Variants in GABRG3 observed in about 807,000 individuals in gnomAD.
GABRG3 encodes gamma-aminobutyric acid type A receptor subunit gamma3.
In GABRG3, 25 loss-of-function variants were observed where a neutral mutation model predicts 48.8. The ratio of observed to expected loss-of-function variants is 0.51; its 90% CI spans 0.37 to 0.72. GABRG3 has a LOEUF of 0.72. GABRG3 is among the 30% of genes least tolerant of loss of function. GABRG3 has a pLI of 0.00. For missense variants in GABRG3, 394 were observed against 577.9 expected (o/e 0.68, Z 3.26); for synonymous variants, 227 against 217.6 (o/e 1.04, Z -0.38).
intron 6 of GABRG3, among the ~76,000 whole-genome samples, chr15:27,502,441 A>G (rs1196131301): frequency 6.6e-6 from 1 of 152,230 alleles, no homozygotes; most frequent in South Asian, 2.1e-4. Context: ...ACTCAACAGC[A>G]ACAATCAATA....
Position 27,448,039 on chromosome 15 carries a change from C to G in GABRG3, c.575-32611C>G, listed in dbSNP as rs563585203. ...CAAATAAATATTTATAAAAACAAAG[C>G]TAGGTCTCTGGTAACAGAGAAAGAT... On this transcript the variant is annotated intron_variant, in intron 5 of 9. Coordinates refer to ENST00000615808, the MANE Select transcript of GABRG3 (RefSeq NM_033223.5). Among the ~76,000 whole-genome samples, 5 of 152,118 alleles carry G rather than the reference C, an allele frequency of 3.3e-5. No homozygotes were observed. The South Asian group carries it at 1.0e-3, about 32-fold the overall frequency.
chr15:27,304,317 C>A (rs1277377205), intron 3 of GABRG3, among the ~76,000 whole-genome samples: 1 of 151,850 alleles, frequency 6.6e-6, no homozygotes, highest in African/African-American at 2.4e-5. Flanking sequence ...CACAAGAAAT[C>A]TACAAAAAGT....
At chr15:27,207,030 G>T (rs1294043053) in intron 3 of GABRG3, among the ~76,000 whole-genome samples, 2 of 152,104 alleles carry the variant, frequency 1.3e-5, no homozygotes, top group Non-Finnish European at 2.9e-5. Context: ...TTTGAGTGGG[G>T]TGTTTAGTCC....
At chr15:27,418,189 G>A (rs74006934) in intron 5 of GABRG3, among the ~76,000 whole-genome samples, 7,731 of 152,280 alleles carry the variant, frequency 0.051, 646 homozygotes, top group African/African-American at 0.18. Context: ...AGGGGACCCT[G>A]TGAGCCCAGT....
chr15:26,990,790 T>G (rs1347797325), intron 2 of GABRG3, among the ~76,000 whole-genome samples: 1 of 149,274 alleles, frequency 6.7e-6, no homozygotes, highest in African/African-American at 2.5e-5. Context: ...ATTGAAACCT[T>G]TAATCCATTT....
At chr15:27,303,384 T>C (rs996132233) in intron 3 of GABRG3, among the ~76,000 whole-genome samples, 1 of 151,610 alleles carries the variant, frequency 6.6e-6, no homozygotes, top group Non-Finnish European at 1.5e-5. Flanking sequence ...ACACAAACTA[T>C]CAAAGCCTAC....
intron 5 of GABRG3, among the ~76,000 whole-genome samples, chr15:27,424,158 C>T (rs148164234): frequency 2.6e-5 from 4 of 152,148 alleles, no homozygotes; most frequent in African/African-American, 9.6e-5. Context: ...GTCCCTGGGC[C>T]ACTTCAGCTA....
chr15:27,527,711 C>T, intron 8 of GABRG3, 82 bp downstream of exon 8: 1 of 1,301,638 alleles, frequency 7.7e-7, no homozygotes, highest in Non-Finnish European at 1.1e-6. Context: ...CAGTTGTATT[C>T]CTAAGGATCG....
chr15:27,532,592 G>T lies in GABRG3; in HGVS notation c.1123-8G>T. The T allele has an allele frequency of 6.2e-7, 1 of 1,610,532 alleles. No individual in the cohort carries two copies. The highest frequency in any genetic ancestry group is 1.7e-5 in the Admixed American group (1 of 59,614). On this transcript the variant is annotated splice_polypyrimidine_tract_variant and splice_region_variant and intron_variant, in intron 9 of 9. Coordinates refer to ENST00000615808, the MANE Select transcript of GABRG3 (RefSeq NM_033223.5). ...CAATGGTTGTTGTGTCATTTTTGTT[G>T]CTTGCAGAACTATTCCCTCCTGGAC...
intron 3 of GABRG3, among the ~76,000 whole-genome samples, chr15:27,090,111 C>T (rs1209068554): frequency 6.6e-6 from 1 of 152,214 alleles, no homozygotes; most frequent in African/African-American, 2.4e-5. Flanking sequence ...AGTGAGAGCA[C>T]TACACGCTCA....
intron 3 of GABRG3, among the ~76,000 whole-genome samples, chr15:27,095,909 C>T (rs1184412419): frequency 6.6e-6 from 1 of 152,138 alleles, no homozygotes. Flanking sequence ...TGCAGGATGT[C>T]CCCCAGGACC....
At chr15:27,056,936 T>C (rs1896558777) in intron 3 of GABRG3, among the ~76,000 whole-genome samples, 1 of 152,156 alleles carries the variant, frequency 6.6e-6, no homozygotes, top group Non-Finnish European at 1.5e-5. Flanking sequence ...GCTTGGGTCC[T>C]CCTTAATGAA....
chr15:27,188,824 A>T (rs1374623673), intron 3 of GABRG3, among the ~76,000 whole-genome samples: 1 of 152,158 alleles, frequency 6.6e-6, no homozygotes, highest in East Asian at 1.9e-4. Flanking sequence ...CTGAATGGTA[A>T]AGCCTAGGTT....
intron 5 of GABRG3, among the ~76,000 whole-genome samples, chr15:27,344,130 T>C (rs779610527): frequency 3.3e-5 from 5 of 152,214 alleles, no homozygotes; most frequent in Non-Finnish European, 7.3e-5. Flanking sequence ...CCTCATCTTA[T>C]GAATAATGTG....
At chr15:27,489,821 C>T (rs148006261) in intron 6 of GABRG3, among the ~76,000 whole-genome samples, 2 of 152,090 alleles carry the variant, frequency 1.3e-5, no homozygotes, top group East Asian at 1.9e-4. Context: ...TTCTATAGGT[C>T]GCCTGTTCAT....
At chr15:27,181,613 G>A (rs772814098) in intron 3 of GABRG3, among the ~76,000 whole-genome samples, 3 of 152,164 alleles carry the variant, frequency 2.0e-5, no homozygotes, top group Non-Finnish European at 2.9e-5. Context: ...TCCTGCCCAC[G>A]TCTTTGTGGA....
At chr15:27,223,377 C>T (rs1453940841) in intron 3 of GABRG3, among the ~76,000 whole-genome samples, 2 of 152,150 alleles carry the variant, frequency 1.3e-5, no homozygotes, top group Non-Finnish European at 2.9e-5. Context: ...ATACGGCAAT[C>T]TGATGAGTTT....
rs113824399 is a variant in GABRG3 at position 27,458,357 on chromosome 15, A to G, written c.575-22293A>G. 8.4e-3 allele frequency among the ~76,000 whole-genome samples: 1,272 copies of G among 152,322 alleles called. 22 individuals are homozygous for G. The highest frequency in any genetic ancestry group is 0.029 in the African/African-American group (1,219 of 41,570). On this transcript the variant is annotated intron_variant, in intron 5 of 9. Transcript: ENST00000615808. ...GAAGGAAATGCAAGGCCATTTAATA[A>G]TAGTACTTTTTGACTGGTGACGTGC...
At chr15:27,208,590 G>A (rs574330025) in intron 3 of GABRG3, 71 of 174,242 alleles carry the variant, frequency 4.1e-4, no homozygotes, top group South Asian at 7.9e-4. Flanking sequence ...CTGTCTGAGA[G>A]CAGGTCACTG....
Sources: allele counts gnomAD v4.1 joint callset (sites outside exome capture counted in the v4.1 genomes callset), GRCh38; gene constraint gnomAD v4.1.1; transcripts MANE v1.5; gene names NCBI Gene and HGNC (gene_info 2026-07-23, HGNC 2026-07-21).